Variants in SYT1 observed in about 807,000 individuals in gnomAD.
SYT1 encodes the protein synaptotagmin 1.
Under a neutral mutation model 44.8 loss-of-function variants are expected in SYT1, and 8 were observed. The ratio of observed to expected loss-of-function variants is 0.18; its 90% CI spans 0.10 to 0.32. The LOEUF (loss-of-function observed/expected upper bound fraction) is 0.32, where lower values mean the gene tolerates loss of function less well. Among genes scored for constraint, SYT1 ranks in the 10% least tolerant of loss-of-function variants. The pLI is 1.00. For missense variants in SYT1, 286 were observed against 509.3 expected (o/e 0.56, Z 4.22); for synonymous variants, 154 against 188.8 (o/e 0.82, Z 1.51).
intron 9 of SYT1, among the ~76,000 whole-genome samples, chr12:79,371,307 T>C (rs1842383038): frequency 6.6e-6 from 1 of 152,184 alleles, no homozygotes; most frequent in African/African-American, 2.4e-5. Flanking sequence ...GTAATTTCAA[T>C]TGGCCATAAT....
At chr12:79,111,792 G>T (rs1040541365) in intron 3 of SYT1, among the ~76,000 whole-genome samples, 1 of 151,644 alleles carries the variant, frequency 6.6e-6, no homozygotes, top group Non-Finnish European at 1.5e-5. Context: ...ATCCAGTGTT[G>T]TTTCCCTCAC....
chr12:78,932,286 G>A (rs980738671), intron 1 of SYT1, among the ~76,000 whole-genome samples: 2 of 152,150 alleles, frequency 1.3e-5, no homozygotes, highest in African/African-American at 4.8e-5. Flanking sequence ...AGAATAACCT[G>A]ATAGTGGTGA....
intron 3 of SYT1, among the ~76,000 whole-genome samples, chr12:79,090,466 C>T (rs1411191877): frequency 6.6e-6 from 1 of 151,934 alleles, no homozygotes; most frequent in Non-Finnish European, 1.5e-5. Flanking sequence ...TTTTGCCCAT[C>T]CAGCCAATAC....
At chr12:79,417,839 T>G (rs558063524) in intron 9 of SYT1, among the ~76,000 whole-genome samples, 1 of 151,838 alleles carries the variant, frequency 6.6e-6, no homozygotes, top group South Asian at 2.1e-4. Context: ...GTTGTGCTTT[T>G]CTGTTTTTCT....
chr12:79,318,541 C>T (rs766045405), intron 8 of SYT1, among the ~76,000 whole-genome samples: 4 of 152,190 alleles, frequency 2.6e-5, no homozygotes, highest in African/African-American at 4.8e-5. Context: ...AAAGGCCCCA[C>T]GTACAATTCT....
intron 1 of SYT1, among the ~76,000 whole-genome samples, chr12:78,952,290 C>T (rs1271067215): frequency 3.9e-5 from 6 of 152,128 alleles, no homozygotes; most frequent in Non-Finnish European, 7.4e-5. Context: ...CCTGCTACAG[C>T]AGACACTGAT....
intron 3 of SYT1, among the ~76,000 whole-genome samples, chr12:79,051,182 C>G (rs751718163): frequency 1.3e-5 from 2 of 151,392 alleles, no homozygotes; most frequent in Non-Finnish European, 2.9e-5. Flanking sequence ...TTTTTTCAAC[C>G]AAAACACTAG....
chr12:79,423,253 A>G (rs1358772606), intron 9 of SYT1, among the ~76,000 whole-genome samples: 2 of 152,158 alleles, frequency 1.3e-5, no homozygotes, highest in Non-Finnish European at 2.9e-5. Flanking sequence ...ATTAGGTTAC[A>G]GTCTTTTCCT....
At chr12:78,897,549 T>A (rs1875428950) in intron 1 of SYT1, among the ~76,000 whole-genome samples, 1 of 152,002 alleles carries the variant, frequency 6.6e-6, no homozygotes, top group Non-Finnish European at 1.5e-5. Flanking sequence ...TTTATCCTGA[T>A]CCTTTAAAAT....
chr12:78,882,470 A>C (rs1874511945), intron 1 of SYT1, among the ~76,000 whole-genome samples: 1 of 151,748 alleles, frequency 6.6e-6, no homozygotes, highest in Non-Finnish European at 1.5e-5. Context: ...CTCTTTAAAA[A>C]TAAATTTTTA....
intron 8 of SYT1, among the ~76,000 whole-genome samples, chr12:79,345,475 T>G (rs1882567489): frequency 2.6e-5 from 4 of 152,330 alleles, no homozygotes; most frequent in Admixed American, 2.6e-4. Context: ...CAGTAATTAT[T>G]TTTTAATAAG....
intron 9 of SYT1, among the ~76,000 whole-genome samples, chr12:79,369,348 T>A (rs1183693806): frequency 6.6e-6 from 1 of 152,168 alleles, no homozygotes; most frequent in Non-Finnish European, 1.5e-5. Context: ...TGGTGGCATA[T>A]GCCTGTAGTC....
chr12:78,985,105 A>G (rs1040455822), intron 2 of SYT1, among the ~76,000 whole-genome samples: 1 of 151,952 alleles, frequency 6.6e-6, no homozygotes, highest in Non-Finnish European at 1.5e-5. Flanking sequence ...GACATAATGC[A>G]ATATTCTGAG....
At chr12:79,209,915 G>A (rs942677220) in intron 3 of SYT1, among the ~76,000 whole-genome samples, 12 of 152,074 alleles carry the variant, frequency 7.9e-5, no homozygotes, top group Non-Finnish European at 1.3e-4. Context: ...TTCAATATGG[G>A]ACTTTTCTGC....
At chr12:79,424,108 C>G (rs377662414) in intron 9 of SYT1, among the ~76,000 whole-genome samples, 5 of 151,918 alleles carry the variant, frequency 3.3e-5, no homozygotes, top group Non-Finnish European at 5.9e-5. Flanking sequence ...AAATGCTGTA[C>G]GTATAAGGGA....
Position 78,938,569 on chromosome 12 carries a change from G to A in SYT1, c.-216-39230G>A, listed in dbSNP as rs1302977465. Among the ~76,000 whole-genome samples, 3 of 151,962 alleles carry A rather than the reference G, an allele frequency of 2.0e-5. No homozygotes were observed. The East Asian group carries it at 5.8e-4, about 29-fold the overall frequency. On this transcript the variant is annotated intron_variant, in intron 1 of 10. Transcript: ENST00000261205. ...GGTGCAAGTAAAAAGGTCCTAAAATGGACACACAAACTCACACACATGCAC... is the reference window on the plus strand; with the variant it reads ...GGTGCAAGTAAAAAGGTCCTAAAATAGACACACAAACTCACACACATGCAC...
At chr12:79,409,345 C>G (rs1448870202) in intron 9 of SYT1, among the ~76,000 whole-genome samples, 1 of 152,006 alleles carries the variant, frequency 6.6e-6, no homozygotes, top group East Asian at 1.9e-4. Flanking sequence ...CACTCACAGA[C>G]TTTTTTCAAA....
chr12:79,367,600 C>G (rs750164746), intron 9 of SYT1, among the ~76,000 whole-genome samples: 37 of 152,072 alleles, frequency 2.4e-4, no homozygotes, highest in Non-Finnish European at 4.4e-4. Flanking sequence ...CACCCTTTGA[C>G]TCTCTTCAGC....
At chr12:79,423,914 A>C (rs1194482787) in intron 9 of SYT1, among the ~76,000 whole-genome samples, 1 of 151,714 alleles carries the variant, frequency 6.6e-6, no homozygotes, top group East Asian at 2.0e-4. Context: ...ACCTGGATCT[A>C]TTAACCTAAA....
Sources: allele counts gnomAD v4.1 joint callset (sites outside exome capture counted in the v4.1 genomes callset), GRCh38; gene constraint gnomAD v4.1.1; transcripts MANE v1.5; gene names NCBI Gene and HGNC (gene_info 2026-07-23, HGNC 2026-07-21).